Variants in SGSM1 observed in about 807,000 individuals in gnomAD.
The protein encoded by SGSM1 is RUN and TBC1 domain containing 2.
In SGSM1, 73 loss-of-function variants were observed where a neutral mutation model predicts 133.8. The ratio of observed to expected loss-of-function variants is 0.55; its 90% confidence interval spans 0.45 to 0.66. The LOEUF is 0.66. Ranked by LOEUF, SGSM1 falls within the 30% of genes least tolerant of loss-of-function variation. The pLI is 0.00. For synonymous variants in SGSM1, 563 were observed against 573.0 expected (o/e 0.98, Z 0.25); for missense variants, 1,213 against 1,448.1 (o/e 0.84, Z 2.64).
intron 5 of SGSM1, among the ~76,000 whole-genome samples, chr22:24,852,542 CA>C (rs534715512): frequency 1.8e-3 from 270 of 152,292 alleles, no homozygotes; most frequent in African/African-American, 5.4e-3. Context: ...GTCCCGTGTT[CA>C]AGCGATTCTC....
intron 12 of SGSM1, among the ~76,000 whole-genome samples, chr22:24,871,582 C>T (rs1302841789): frequency 2.0e-5 from 3 of 152,174 alleles, no homozygotes; most frequent in Non-Finnish European, 2.9e-5. Flanking sequence ...CACCATCCCC[C>T]ATTTTGCAAG....
intron 2 of SGSM1, among the ~76,000 whole-genome samples, chr22:24,830,987 G>T (rs16979026): frequency 0.13 from 19,080 of 152,008 alleles, 1,365 homozygotes; most frequent in East Asian, 0.21. Flanking sequence ...CTTGCACCCA[G>T]TATCACAGCC....
At chr22:24,873,560 A>C (rs1165575384) in intron 12 of SGSM1, among the ~76,000 whole-genome samples, 1 of 152,142 alleles carries the variant, frequency 6.6e-6, no homozygotes, top group African/African-American at 2.4e-5. Context: ...GCTCAGAGTC[A>C]AGTCCTCAGG....
At chr22:24,911,938 C>T (rs1213940741) in intron 21 of SGSM1, among the ~76,000 whole-genome samples, 2 of 151,908 alleles carry the variant, frequency 1.3e-5, no homozygotes, top group Non-Finnish European at 2.9e-5. Flanking sequence ...GCCTGTAGTC[C>T]CAGCTACTTG....
At chr22:24,916,613 G>A (rs1476022628) in intron 22 of SGSM1, among the ~76,000 whole-genome samples, 1 of 152,018 alleles carries the variant, frequency 6.6e-6, no homozygotes, top group Non-Finnish European at 1.5e-5. Context: ...CACGAGAATC[G>A]CTTGAACCTG....
intron 16 of SGSM1, among the ~76,000 whole-genome samples, chr22:24,892,161 G>A (rs1471026180): frequency 6.6e-6 from 1 of 152,156 alleles, no homozygotes; most frequent in Admixed American, 6.5e-5. Flanking sequence ...ATGGCACTGG[G>A]AATTGGGAGG....
intron 19 of SGSM1, among the ~76,000 whole-genome samples, chr22:24,900,354 T>TTCCTTCCTTCCTTC (rs1569170779): frequency 1.9e-4 from 16 of 85,544 alleles, no homozygotes; most frequent in African/African-American, 8.6e-4. Flanking sequence ...TTTCTTTCTT[T>TTCCTTCCTTCCTTC]CTTTCTTTCT....
intron 3 of SGSM1, 111 bp from the exon 4 acceptor site, chr22:24,847,520 TAAG>T (rs1930215867): frequency 7.6e-7 from 1 of 1,317,974 alleles, no homozygotes; most frequent in Non-Finnish European, 1.0e-6. Flanking sequence ...AGACAGAAGG[TAAG>T]AAGATTGAGA....
intron 5 of SGSM1, among the ~76,000 whole-genome samples, chr22:24,853,366 C>T (rs1930588848): frequency 6.6e-6 from 1 of 152,234 alleles, no homozygotes; most frequent in Admixed American, 6.5e-5. Flanking sequence ...GAACAAGGTT[C>T]TTTTCAATCC....
intron 9 of SGSM1, 33 bp from the exon 10 acceptor site, chr22:24,867,060 G>T: frequency 6.2e-7 from 1 of 1,608,808 alleles, no homozygotes; most frequent in Non-Finnish European, 8.5e-7. Context: ...GTAGGCAGAA[G>T]TCCTGCAAGC....
chr22:24,922,065 A>G (rs563878323), intron 24 of SGSM1, among the ~76,000 whole-genome samples: 5 of 152,218 alleles, frequency 3.3e-5, no homozygotes, highest in African/African-American at 1.2e-4. Context: ...CACAATTGCT[A>G]ATGGGGTGTA....
intron 14 of SGSM1, 78 bp from the exon 15 acceptor site, chr22:24,883,975 G>A: frequency 6.9e-7 from 1 of 1,451,668 alleles, no homozygotes; most frequent in Non-Finnish European, 9.1e-7. Flanking sequence ...AGGTGGGACA[G>A]AACTTGGGAA....
chr22:24,920,872 C>T (rs750315919), intron 24 of SGSM1, among the ~76,000 whole-genome samples: 1 of 152,164 alleles, frequency 6.6e-6, no homozygotes, highest in Non-Finnish European at 1.5e-5. Flanking sequence ...TTAGCATTTA[C>T]ATAACCCTGG....
intron 8 of SGSM1, among the ~76,000 whole-genome samples, chr22:24,857,344 G>A (rs1930859294): frequency 6.7e-6 from 1 of 148,496 alleles, no homozygotes; most frequent in Admixed American, 6.8e-5. Context: ...GGAGGTGGAG[G>A]CTGCAGTAAG....
chr22:24,887,577 T>A (rs1932689222), intron 16 of SGSM1, among the ~76,000 whole-genome samples: 1 of 152,222 alleles, frequency 6.6e-6, no homozygotes, highest in South Asian at 2.1e-4. Context: ...GCATAACTTG[T>A]CATTTATCTG....
intron 12 of SGSM1, 126 bp downstream of exon 12, chr22:24,868,981 A>C (rs1601940008): frequency 7.1e-7 from 1 of 1,405,244 alleles, no homozygotes; most frequent in Non-Finnish European, 9.5e-7. Flanking sequence ...CTGGAAACAG[A>C]AAGTCGGTTT....
chr22:24,921,743 A>T (rs953630351), intron 24 of SGSM1, among the ~76,000 whole-genome samples: 1 of 151,316 alleles, frequency 6.6e-6, no homozygotes, highest in Non-Finnish European at 1.5e-5. Flanking sequence ...CTTGTTGCCC[A>T]GGCTGGAGTA....
intron 12 of SGSM1, chr22:24,874,662 G>T: frequency 6.8e-7 from 1 of 1,460,978 alleles, no homozygotes. Context: ...GGTCCCAAGG[G>T]AGATGGAGGC....
chr22:24,895,283 A>C lies in SGSM1; in HGVS notation c.2014A>C (p.Ser672Arg), dbSNP rs1224234811. The C allele has an allele frequency of 6.2e-7, 1 of 1,611,610 alleles. No homozygotes were observed. Among genetic ancestry groups the C allele is most frequent in the East Asian group, 2.2e-5 (1 of 44,800 alleles). The change falls in exon 18 of 25, where the codon AGC (serine) becomes CGC (arginine). Residue 672 changes from serine to arginine, a missense_variant. By Grantham distance (110) the Ser-to-Arg change is moderately radical. Transcript: ENST00000400358. The part of the protein sequence containing the change: ...NIRLHSDSSS[S>R]TQVFESVDEV... ...CCGCCTGCACAGCGACTCCAGCAGC[A>C]GCACACAGGTGACCTTGTGGAGGCC...
Sources: gnomAD v4.1 joint callset for allele counts (sites outside exome capture counted in the v4.1 genomes callset) on GRCh38, gnomAD v4.1.1 for gene constraint, MANE v1.5 for transcripts, NCBI Gene and HGNC (gene_info 2026-07-23, HGNC 2026-07-21) for gene names.